The following ANXA6 variants were observed in gnomAD, a reference collection of about 807,000 sequenced individuals.
The protein encoded by ANXA6 is annexin A6.
Under a neutral mutation model 95.4 loss-of-function variants are expected in ANXA6, and 71 were observed. That is an observed-to-expected ratio of 0.74 (90% confidence interval 0.61 to 0.91). The LOEUF (loss-of-function observed/expected upper bound fraction) is 0.91, where lower values mean the gene tolerates loss of function less well. Among genes scored for constraint, ANXA6 ranks in the 40% least tolerant of loss-of-function variants. The probability of loss-of-function intolerance (pLI) is 0.00; values close to 1 mark genes in which losing one functional copy is unlikely to be tolerated. For missense variants in ANXA6, 830 were observed against 876.4 expected (o/e 0.95, Z 0.67); for synonymous variants, 289 against 315.9 (o/e 0.91, Z 0.90).
chr5:151,132,602 A>G (rs1051169153), intron 9 of ANXA6, 31 bp from the exon 10 acceptor site: 13 of 1,586,122 alleles, frequency 8.2e-6, no homozygotes, highest in Non-Finnish European at 1.0e-5. Flanking sequence ...GGGAGGTTTG[A>G]GAGTGCCTCT....
chr5:151,131,345 G>C, intron 10 of ANXA6, 56 bp from the exon 11 acceptor site: 1 of 1,567,516 alleles, frequency 6.4e-7, no homozygotes. Flanking sequence ...AGGGGGATGG[G>C]ATGGCCTGAC....
chr5:151,103,744 A>G, intron 24 of ANXA6, 52 bp from the exon 25 acceptor site: 1 of 1,561,972 alleles, frequency 6.4e-7, no homozygotes, highest in Non-Finnish European at 8.7e-7. Context: ...GATAGAGCCC[A>G]GTCAGGCAAG....
At chr5:151,131,398 C>T (rs1484472074) in intron 10 of ANXA6, 109 bp from the exon 11 acceptor site, 1 of 1,116,870 alleles carries the variant, frequency 9.0e-7, no homozygotes. Context: ...TAGCTCAATA[C>T]AGGAAGAACC....
Position 151,119,354 on chromosome 5 carries a change from G to C in ANXA6, c.1384C>G (p.Leu462Val). The C allele has an allele frequency of 1.9e-6, 3 of 1,613,832 alleles. No individual in the cohort carries two copies. Among genetic ancestry groups the C allele is most frequent in the Middle Eastern group, 1.7e-4 (1 of 5,884 alleles). ...ATTTCAGCATTGGTCCGAGTGGCCA[G>C]GATTTCAATAAGAGCCTTTTCATCT... is the stretch of plus-strand genomic sequence containing the variant. ...GTDEKALIEILATRTNAEIRA... is the reference protein window; with the variant it reads ...GTDEKALIEIVATRTNAEIRA... Residue 462 changes from leucine (L) to valine (V), a missense_variant, in exon 18 of 26, where the codon CTG becomes GTG. Coordinates refer to ENST00000354546, the MANE Select transcript of ANXA6 (RefSeq NM_001155.5).
chr5:151,147,099 T>G (rs1207759237), intron 2 of ANXA6, among the ~76,000 whole-genome samples: 1 of 152,118 alleles, frequency 6.6e-6, no homozygotes. Context: ...GAGGTCAGAA[T>G]CCTACCTCTG....
chr5:151,143,777 A>T (rs1227888254), intron 2 of ANXA6, among the ~76,000 whole-genome samples: 1 of 152,138 alleles, frequency 6.6e-6, no homozygotes, highest in Non-Finnish European at 1.5e-5. Context: ...TATGTTTCAT[A>T]AATGGATGGA....
intron 2 of ANXA6, chr5:151,140,540 G>A: frequency 4.4e-6 from 1 of 228,478 alleles, no homozygotes; most frequent in Non-Finnish European, 8.8e-6. Flanking sequence ...CTGAGTATAG[G>A]AGATGAAAAT....
In ANXA6 at chr5:151,140,179, G is replaced by A; in HGVS notation, c.83C>T (p.Ala28Val). The A allele has an allele frequency of 2.5e-6, 4 of 1,613,928 alleles. No individual in the cohort carries two copies. Among genetic ancestry groups the A allele is most frequent in the Non-Finnish European group, 3.4e-6 (4 of 1,179,874 alleles). Residue 28 changes from alanine to valine, a missense_variant, in exon 3 of 26, where the codon GCT becomes GTT. Physicochemically the swap from Ala to Val is moderately conservative, Grantham distance 64 (BLOSUM62 0). Coordinates refer to ENST00000354546, the MANE Select transcript of ANXA6 (RefSeq NM_001155.5). ...AAAGCCCTTCATGGCAGTGTACAGAGCCTCGGCATCCTGGTTGGGGTCAAA... is the reference window on the plus strand; with the variant it reads ...AAAGCCCTTCATGGCAGTGTACAGAACCTCGGCATCCTGGTTGGGGTCAAA... ...PGFDPNQDAE[A>V]LYTAMKGFGS...
chr5:151,107,040 CCTGTGGTTTGAG>C (rs1470896843), intron 23 of ANXA6, among the ~76,000 whole-genome samples: 1 of 152,152 alleles, frequency 6.6e-6, no homozygotes, highest in Non-Finnish European at 1.5e-5. Flanking sequence ...AGGTAGGCAG[CCTGTGGTTTGAG>C]TCCTGGTTCT....
At position 151,101,523 on chromosome 5, in the gene ANXA6, A is replaced by G; in HGVS notation, c.1963-16T>C. ...AGGTGTCACCCTGGCAGAGGCAGAG[A>G]GCAGAGTGAGTGAAAACAGTCCTTC... On this transcript the variant is annotated splice_polypyrimidine_tract_variant and intron_variant, in intron 25 of 25. Coordinates refer to ENST00000354546, the MANE Select transcript of ANXA6 (RefSeq NM_001155.5). 1 of 1,555,860 alleles carries G rather than the reference A, an allele frequency of 6.4e-7. No individual in the cohort carries two copies. The highest frequency in any genetic ancestry group is 8.7e-7 in the Non-Finnish European group (1 of 1,149,464).
rs1766067588 is a variant in ANXA6, at chr5:151,149,895, GACC to G, written c.-25-1972_-25-1970del. Among the ~76,000 whole-genome samples the G allele has an allele frequency of 3.9e-5, 6 of 152,094 alleles. No individual in the cohort carries two copies. In the South Asian group the frequency reaches 1.0e-3, roughly 26 times the overall value. On this transcript the variant is annotated intron_variant, in intron 1 of 25. Transcript: ENST00000354546. Reference sequence around the variant, plus strand: ...GCACTTTGGGAGGCCAAGCGGCAAGGACCACCTGGGGCCAGAAGTTTGAGACCA... The same window carrying G: ...GCACTTTGGGAGGCCAAGCGGCAAGGACCTGGGGCCAGAAGTTTGAGACCA...
At chr5:151,157,416 C>A (rs1766264778) in intron 1 of ANXA6, among the ~76,000 whole-genome samples, 1 of 152,126 alleles carries the variant, frequency 6.6e-6, no homozygotes, top group African/African-American at 2.4e-5. Context: ...CTCAACCAGA[C>A]CCTCTGCAGC....
chr5:151,143,826 G>C (rs1440079391), intron 2 of ANXA6, among the ~76,000 whole-genome samples: 3 of 152,084 alleles, frequency 2.0e-5, no homozygotes, highest in Non-Finnish European at 4.4e-5. Flanking sequence ...ATCAGAGAAG[G>C]CTTTCTGGAG....
chr5:151,107,968 TGTA>T (rs1414887680), intron 23 of ANXA6, among the ~76,000 whole-genome samples: 1 of 151,504 alleles, frequency 6.6e-6, no homozygotes, highest in African/African-American at 2.4e-5. Flanking sequence ...TGTGTGTAGG[TGTA>T]GTGTCTTGTG....
At position 151,136,821 on chromosome 5, in the gene ANXA6, C is replaced by T. The variant is rs535578009; in HGVS notation, c.409+410G>A. On this transcript the variant is annotated intron_variant, in intron 6 of 25. Coordinates refer to ENST00000354546, the MANE Select transcript of ANXA6 (RefSeq NM_001155.5). ...TCTATTTCAGGGCCTTTGCACTTGC[C>T]GTGACCTCTGTTGGAAGGATCTTCT... 1.2e-4 allele frequency among the ~76,000 whole-genome samples: 19 copies of T among 152,338 alleles called. No individual in the cohort carries two copies. The South Asian group carries it at 3.3e-3, about 27-fold the overall frequency.
intron 7 of ANXA6, among the ~76,000 whole-genome samples, chr5:151,135,914 C>A (rs527586800): frequency 1.3e-5 from 2 of 152,098 alleles, no homozygotes; most frequent in African/African-American, 4.8e-5. Flanking sequence ...TTTGGGCGGG[C>A]GGTGAGGAGG....
chr5:151,108,954 CAAT>C, intron 22 of ANXA6, among the ~76,000 whole-genome samples: 1 of 152,304 alleles, frequency 6.6e-6, no homozygotes, highest in East Asian at 1.9e-4. Context: ...GATGAAGACA[CAAT>C]GATAACACTC....
In ANXA6 at chr5:151,138,678, C is replaced by T. The variant is rs909629613; in HGVS notation, c.318G>A (p.Ser106=). 42 of 1,610,086 alleles carry T rather than the reference C, an allele frequency of 2.6e-5. No individual in the cohort carries two copies. The highest frequency in any genetic ancestry group is 3.2e-5 in the Non-Finnish European group (38 of 1,176,684). The part of the protein sequence containing the change: ...CDAKEIKDAI[S]GIGTDEKCLI... The stretch of plus-strand genomic sequence containing the variant: ...CACCACATACACCCCCACTTCTTAC[C>T]GAGATGGCATCTTTAATTTCTTTGG... The change falls in exon 5 of 26, where the codon TCG becomes TCA. Residue 106 remains serine, a splice_region_variant and synonymous_variant. Coordinates refer to ENST00000354546, the MANE Select transcript of ANXA6 (RefSeq NM_001155.5).
chr5:151,132,680 T>C (rs914573919), intron 9 of ANXA6, 109 bp from the exon 10 acceptor site: 13 of 877,386 alleles, frequency 1.5e-5, no homozygotes, highest in East Asian at 1.3e-4. Context: ...CTGTCCACCA[T>C]GAAGCTAGGG....
Sources: allele counts gnomAD v4.1 joint callset (sites outside exome capture counted in the v4.1 genomes callset), GRCh38; gene constraint gnomAD v4.1.1; transcripts MANE v1.5; gene names NCBI Gene and HGNC (gene_info 2026-07-23, HGNC 2026-07-21).